PCSK2: variants seen among roughly 807,000 people sequenced by gnomAD.
PCSK2 encodes proprotein convertase subtilisin/kexin type 2.
A neutral mutation model predicts 69.7 loss-of-function variants in PCSK2; 14 were observed. That is an observed-to-expected ratio of 0.20 (90% CI 0.13 to 0.31). The LOEUF is 0.31. PCSK2 is among the 10% of genes least tolerant of loss of function. PCSK2 has a pLI of 1.00. For missense variants in PCSK2, 544 were observed against 842.5 expected, an observed-to-expected ratio of 0.65 and a Z score of 4.39; for synonymous variants, 307 against 320.7, an observed-to-expected ratio of 0.96 and a Z score of 0.46.
intron 2 of PCSK2, among the ~76,000 whole-genome samples, chr20:17,318,880 A>G (rs1468486424): frequency 6.6e-6 from 1 of 151,718 alleles, no homozygotes; most frequent in Non-Finnish European, 1.5e-5. Flanking sequence ...ACACACAATC[A>G]GAACAGCCAG....
chr20:17,347,789 A>AAAT (rs1990689622), intron 2 of PCSK2, among the ~76,000 whole-genome samples: 1 of 20,866 alleles, frequency 4.8e-5, no homozygotes, highest in Non-Finnish European at 1.0e-4. Context: ...CACATAGACG[A>AAAT]AAGAAAGAAA....
At chr20:17,279,775 G>A (rs1600443461) in intron 2 of PCSK2, among the ~76,000 whole-genome samples, 4 of 122,374 alleles carry the variant, frequency 3.3e-5, no homozygotes, top group East Asian at 2.4e-4. Context: ...CAACAGGAGC[G>A]AAACTCCGTC....
intron 2 of PCSK2, among the ~76,000 whole-genome samples, chr20:17,269,564 A>G (rs1987777849): frequency 6.6e-6 from 1 of 152,204 alleles, no homozygotes; most frequent in Admixed American, 6.6e-5. Flanking sequence ...ATATTGAAAT[A>G]CATGGTTCAC....
chr20:17,227,496 T>C lies in PCSK2; in HGVS notation c.177+14T>C. ...GGAGTCCGAAAGGTAAGCTCTCCCA[T>C]GCATTTCGCATGTTGTTTCAAAACG... On this transcript the variant is annotated intron_variant, in intron 1 of 11. Coordinates refer to ENST00000262545, the MANE Select transcript of PCSK2 (RefSeq NM_002594.5). The C allele has an allele frequency of 1.9e-6, 3 of 1,608,092 alleles. No individual in the cohort carries two copies. The highest frequency in any genetic ancestry group is 2.6e-6 in the Non-Finnish European group (3 of 1,175,180).
At chr20:17,352,147 G>A (rs144626282) in intron 2 of PCSK2, among the ~76,000 whole-genome samples, 3 of 152,146 alleles carry the variant, frequency 2.0e-5, no homozygotes, top group African/African-American at 7.2e-5. Flanking sequence ...TAACGAAAGA[G>A]GTAAAAGATC....
In PCSK2 at chr20:17,453,967, T is replaced by A. The variant is rs200589900; in HGVS notation, c.1101+10T>A. On this transcript the variant is annotated intron_variant, in intron 9 of 11. Coordinates refer to ENST00000262545, the MANE Select transcript of PCSK2 (RefSeq NM_002594.5). This position sits in a 1 kb window ranked among gnomAD's most constrained non-coding sequence, Gnocchi z 4.0. ...CCCCGAGGCCGGTGTGGTGAGCACG[T>A]CCCCTTCTGTCCTTGTTTCCTTAGG... 3.7e-6 allele frequency: 6 copies of A among 1,613,942 alleles called. No individual in the cohort carries two copies. The highest frequency in any genetic ancestry group is 5.1e-6 in the Non-Finnish European group (6 of 1,179,966).
chr20:17,249,339 T>C (rs989248418), intron 1 of PCSK2, among the ~76,000 whole-genome samples: 1 of 151,736 alleles, frequency 6.6e-6, no homozygotes, highest in Non-Finnish European at 1.5e-5. Context: ...ACCCCGTCTG[T>C]ACTAAAAATA....
At chr20:17,391,930 A>AAGGAAGGAAGGAAGGAAGGAAGG in intron 5 of PCSK2, among the ~76,000 whole-genome samples, 1 of 146,524 alleles carries the variant, frequency 6.8e-6, no homozygotes, top group Non-Finnish European at 1.5e-5. Context: ...GGAAGGAAGG[A>AAGGAAGGAAGGAAGGAAGGAAGG]AGGAAGGAAG....
At chr20:17,387,929 A>G (rs2031279328) in intron 5 of PCSK2, among the ~76,000 whole-genome samples, 1 of 152,208 alleles carries the variant, frequency 6.6e-6, no homozygotes, top group Non-Finnish European at 1.5e-5. Flanking sequence ...AATGTGTTTA[A>G]TATGGAGAAC....
chr20:17,433,839 TCCC>T lies in PCSK2; in HGVS notation c.710-2864_710-2862del, dbSNP rs763993221. 6.7e-3 allele frequency among the ~76,000 whole-genome samples: 363 copies of T among 54,514 alleles called. 3 individuals carry two copies. The highest frequency in any genetic ancestry group is 9.6e-3 in the Non-Finnish European group (291 of 30,318). 35.8% of individuals were successfully genotyped at this position (54,514 alleles called of 152,430 possible). A position where few individuals can be genotyped will look rare whatever the true frequency, so the allele number is the denominator to read the frequency against. On this transcript the variant is annotated intron_variant, in intron 7 of 11. Transcript: ENST00000262545. ...CCCCCACTTCCTTCCCTCCTCCTCC[TCCC>T]CCCCTTCCTCCCTCTCTCCCTCTCT...
intron 1 of PCSK2, among the ~76,000 whole-genome samples, chr20:17,232,598 A>G (rs1986180805): frequency 6.6e-6 from 1 of 152,192 alleles, no homozygotes; most frequent in Non-Finnish European, 1.5e-5. Context: ...TTGGTCAGAT[A>G]TATGTATTTT....
chr20:17,408,508 A>G (rs2031800587), intron 5 of PCSK2, among the ~76,000 whole-genome samples: 1 of 152,226 alleles, frequency 6.6e-6, no homozygotes, highest in African/African-American at 2.4e-5. Flanking sequence ...AGAGAATAGT[A>G]CACTTTTGAC....
Position 17,482,292 on chromosome 20 carries a change from A to G in PCSK2, c.*222A>G. 5.0e-6 allele frequency: 1 copy of G among 200,636 alleles called. No homozygotes were observed. 12.4% of individuals were successfully genotyped at this position (200,636 alleles called of 1,614,324 possible). A position where few individuals can be genotyped will look rare whatever the true frequency, so the allele number is the denominator to read the frequency against. On this transcript the variant is annotated 3_prime_UTR_variant, in exon 12 of 12. Transcript: ENST00000262545. ...GCGTTCCCAACAACATCCATGTCCT[A>G]TGTGTGACTCTAAATTCTTTATTTC... is the stretch of plus-strand genomic sequence containing the variant.
chr20:17,332,013 A>C (rs1990219950), intron 2 of PCSK2, among the ~76,000 whole-genome samples: 1 of 152,218 alleles, frequency 6.6e-6, no homozygotes, highest in South Asian at 2.1e-4. Flanking sequence ...CTTACAGAGC[A>C]TTTATTACAT....
At chr20:17,437,375 T>C (rs1203031586) in intron 8 of PCSK2, among the ~76,000 whole-genome samples, 2 of 152,162 alleles carry the variant, frequency 1.3e-5, no homozygotes, top group African/African-American at 4.8e-5. Flanking sequence ...TCCTCTGAGA[T>C]TAGCCCAGGC....
chr20:17,410,369 G>A (rs930963928), intron 6 of PCSK2, among the ~76,000 whole-genome samples: 3 of 152,194 alleles, frequency 2.0e-5, no homozygotes, highest in Admixed American at 6.5e-5. Context: ...ACCAGAATAT[G>A]TTCAAGGGTA....
intron 11 of PCSK2, among the ~76,000 whole-genome samples, chr20:17,478,227 G>A (rs1568666955): frequency 1.3e-5 from 2 of 151,788 alleles, no homozygotes; most frequent in Non-Finnish European, 2.9e-5. Context: ...TAAAACAACT[G>A]TTTTTTTTCC....
chr20:17,373,368 G>A (rs1041738628), intron 5 of PCSK2, among the ~76,000 whole-genome samples: 19 of 152,260 alleles, frequency 1.2e-4, no homozygotes, highest in Admixed American at 9.8e-4. Flanking sequence ...GTATTTATGT[G>A]ACAACTTCGT....
At chr20:17,250,132 T>C (rs1438438671) in intron 1 of PCSK2, among the ~76,000 whole-genome samples, 1 of 152,170 alleles carries the variant, frequency 6.6e-6, no homozygotes, top group African/African-American at 2.4e-5. Flanking sequence ...AAATAAACAT[T>C]GATATAATAC....
Sources: allele counts gnomAD v4.1 joint callset (sites outside exome capture counted in the v4.1 genomes callset), GRCh38; gene constraint gnomAD v4.1.1; non-coding constraint Gnocchi (gnomAD v3.1); transcripts MANE v1.5; gene names NCBI Gene and HGNC (gene_info 2026-07-23, HGNC 2026-07-21).